Variants in RYR2 observed in about 807,000 individuals in gnomAD.
RYR2 encodes ryanodine receptor 2.
Under a neutral mutation model 601.1 loss-of-function variants are expected in RYR2, and 227 were observed. That is an observed-to-expected ratio of 0.38 (90% CI 0.34 to 0.42). The LOEUF is 0.42. Among genes scored for constraint, RYR2 ranks in the 10% least tolerant of loss-of-function variants. The pLI, the probability that RYR2 is intolerant of heterozygous loss-of-function variation, is 1.00. For synonymous variants in RYR2, 2,223 were observed against 2,175.1 expected (o/e 1.02, Z -0.61); for missense variants, 4,646 against 6,156.5 (o/e 0.75, Z 8.21).
At chr1:237,529,093 T>C (rs141952540) in intron 24 of RYR2, among the ~76,000 whole-genome samples, 130 of 152,308 alleles carry the variant, frequency 8.5e-4, no homozygotes, top group African/African-American at 3.1e-3. Context: ...ATGATAGCAC[T>C]CAGTAGATAT....
chr1:237,330,830 T>C (rs1365328673), intron 2 of RYR2, 48 bp from the exon 3 acceptor site: 3 of 1,460,266 alleles, frequency 2.1e-6, no homozygotes, highest in Non-Finnish European at 1.9e-6. Context: ...TGGGTCTGGA[T>C]GCTTGATGAA....
intron 2 of RYR2, among the ~76,000 whole-genome samples, chr1:237,304,290 T>C (rs1463527077): frequency 6.6e-6 from 1 of 152,204 alleles, no homozygotes; most frequent in Admixed American, 6.5e-5. Context: ...GCTCATCCCA[T>C]TTTTGGCAAG....
intron 22 of RYR2, among the ~76,000 whole-genome samples, chr1:237,504,238 G>T (rs1318801680): frequency 6.6e-6 from 1 of 152,196 alleles, no homozygotes; most frequent in African/African-American, 2.4e-5. Context: ...AATCACCTGG[G>T]TGCAGGCGGG....
chr1:237,450,971 C>T (rs1300368112), intron 14 of RYR2, among the ~76,000 whole-genome samples: 1 of 151,934 alleles, frequency 6.6e-6, no homozygotes, highest in East Asian at 1.9e-4. Flanking sequence ...TATTTAACTC[C>T]AGTAATCATG....
intron 87 of RYR2, among the ~76,000 whole-genome samples, chr1:237,777,720 A>G (rs986662594): frequency 1.3e-5 from 2 of 152,202 alleles, no homozygotes; most frequent in African/African-American, 2.4e-5. Flanking sequence ...TAAGAGAACA[A>G]AGTTAGGTTT....
rs1241445765 is a variant in RYR2 at position 237,595,629 on chromosome 1, A to G, written c.4568A>G (p.Asn1523Ser). ...AGCGGGCTGCTCACATTCATTGCCA[A>G]TGGCAAGGAACTGAGCACATACTAT... ...AASGLLTFIA[N>S]GKELSTYYQV... is the part of the protein sequence containing the mutation. The change falls in exon 34 of 105, where the codon AAT (asparagine) becomes AGT (serine). Residue 1523 changes from asparagine (N) to serine (S), a missense_variant. Asn to Ser is a conservative substitution (Grantham distance 46, BLOSUM62 1). Coordinates refer to ENST00000366574, the MANE Select transcript of RYR2 (RefSeq NM_001035.3). 2 of 1,613,426 alleles carry G rather than the reference A, an allele frequency of 1.2e-6. No homozygotes were observed. Among genetic ancestry groups the G allele is most frequent in the Non-Finnish European group, 1.7e-6 (2 of 1,179,650 alleles).
intron 1 of RYR2, among the ~76,000 whole-genome samples, chr1:237,107,605 T>C (rs181396354): frequency 6.6e-6 from 1 of 152,040 alleles, no homozygotes; most frequent in East Asian, 1.9e-4. Flanking sequence ...TTTACCTTGC[T>C]CTATTATAGG....
At chr1:237,644,946 C>T (rs1203813127) in intron 48 of RYR2, among the ~76,000 whole-genome samples, 3 of 152,080 alleles carry the variant, frequency 2.0e-5, no homozygotes, top group Non-Finnish European at 2.9e-5. Flanking sequence ...GCAGGAGAAT[C>T]GCTTGAACCC....
chr1:237,522,764 A>T (rs6681301), intron 24 of RYR2, among the ~76,000 whole-genome samples: 1 of 152,098 alleles, frequency 6.6e-6, no homozygotes, highest in Non-Finnish European at 1.5e-5. Context: ...GCTTCCTAAC[A>T]GTCTGTTTAC....
intron 10 of RYR2, among the ~76,000 whole-genome samples, chr1:237,405,672 A>G (rs1350875737): frequency 1.3e-5 from 2 of 152,022 alleles, no homozygotes; most frequent in East Asian, 3.9e-4. Flanking sequence ...ACCTTTTATG[A>G]AACAAGAGAA....
intron 1 of RYR2, among the ~76,000 whole-genome samples, chr1:237,227,754 C>A (rs939611462): frequency 1.3e-5 from 2 of 152,118 alleles, no homozygotes; most frequent in Non-Finnish European, 2.9e-5. Flanking sequence ...TTGCCTGACA[C>A]CCTGAGCTGC....
chr1:237,264,637 T>G (rs1688859598), intron 1 of RYR2, among the ~76,000 whole-genome samples: 1 of 152,114 alleles, frequency 6.6e-6, no homozygotes, highest in South Asian at 2.1e-4. Context: ...GACATTATGC[T>G]AGATACTGGG....
intron 39 of RYR2, 66 bp downstream of exon 39, chr1:237,623,936 A>G (rs1247589753): frequency 9.8e-7 from 1 of 1,022,070 alleles, no homozygotes; most frequent in Non-Finnish European, 1.5e-6. Context: ...CCTGAGACGA[A>G]ATTAAGTGTA....
intron 2 of RYR2, among the ~76,000 whole-genome samples, chr1:237,329,048 G>A (rs892620227): frequency 3.3e-5 from 5 of 151,742 alleles, no homozygotes; most frequent in African/African-American, 1.2e-4. Flanking sequence ...AATAACTTAC[G>A]GTTCTAACTC....
intron 79 of RYR2, among the ~76,000 whole-genome samples, chr1:237,741,810 C>T (rs889745265): frequency 3.3e-5 from 5 of 152,106 alleles, no homozygotes; most frequent in Admixed American, 1.3e-4. Context: ...CCATGTTGTT[C>T]AGGCTGGTCT....
chr1:237,803,999 A>T (rs1300218878), intron 98 of RYR2, among the ~76,000 whole-genome samples: 1 of 152,146 alleles, frequency 6.6e-6, no homozygotes, highest in African/African-American at 2.4e-5. Context: ...CTCATATATA[A>T]ATTGGGGCTA....
intron 25 of RYR2, among the ~76,000 whole-genome samples, chr1:237,535,741 T>A (rs766902022): frequency 1.3e-5 from 2 of 152,150 alleles, no homozygotes; most frequent in Non-Finnish European, 2.9e-5. Flanking sequence ...CAAAGTATAA[T>A]ATGACCAAGC....
At chr1:237,404,094 A>T (rs1012797661) in intron 10 of RYR2, among the ~76,000 whole-genome samples, 2 of 152,148 alleles carry the variant, frequency 1.3e-5, no homozygotes, top group Non-Finnish European at 2.9e-5. Flanking sequence ...TCTCTACAAA[A>T]AATACAAAAA....
chr1:237,663,405 A>G (rs947413689), intron 56 of RYR2, among the ~76,000 whole-genome samples: 2 of 152,230 alleles, frequency 1.3e-5, no homozygotes, highest in African/African-American at 4.8e-5. Context: ...GATCATGTGT[A>G]GATGTGATTC....
Sources: gnomAD v4.1 joint callset for allele counts (sites outside exome capture counted in the v4.1 genomes callset) on GRCh38, gnomAD v4.1.1 for gene constraint, MANE v1.5 for transcripts, NCBI Gene and HGNC (gene_info 2026-07-23, HGNC 2026-07-21) for gene names.